MYBBP1A: variants seen among roughly 807,000 people sequenced by gnomAD.
MYBBP1A encodes MYB binding protein 1a.
In MYBBP1A, 147 loss-of-function variants were observed where a neutral mutation model predicts 136.3. That is an observed-to-expected ratio of 1.08 (90% CI 0.94 to 1.24). The LOEUF is 1.24. MYBBP1A is among the 50% of genes most tolerant of loss of function. MYBBP1A has a pLI of 0.00. For synonymous variants in MYBBP1A, 947 were observed against 735.8 expected, an observed-to-expected ratio of 1.29 and a Z score of -4.65; for missense variants, 2,060 against 1,727.4, an observed-to-expected ratio of 1.19 and a Z score of -3.41.
chr17:4,549,935 T>TCCC lies in MYBBP1A; in HGVS notation c.1319+120_1319+122dup, dbSNP rs1321409099. Reference sequence around the variant, plus strand: ...GGCCTCATATGAGAGCTAAGGCTCTTCCCCCTCGCTCCTCTCATGGTTTAG... The same window carrying TCCC: ...GGCCTCATATGAGAGCTAAGGCTCTTCCCCCCCCTCGCTCCTCTCATGGTTTAG... On this transcript the variant is annotated intron_variant, in intron 9 of 25. Coordinates refer to ENST00000254718, the MANE Select transcript of MYBBP1A (RefSeq NM_014520.4). 8 of 1,065,194 alleles carry TCCC rather than the reference T, an allele frequency of 7.5e-6. No individual in the cohort carries two copies. The East Asian group carries it at 1.9e-4, about 26-fold the overall frequency. 66.0% of individuals were successfully genotyped at this position (1,065,194 alleles called of 1,614,324 possible).
At position 4,539,431 on chromosome 17, in the gene MYBBP1A, T is replaced by C; in HGVS notation, c.3971A>G (p.Lys1324Arg). 1.2e-6 allele frequency: 2 copies of C among 1,612,396 alleles called. No homozygotes were observed. The highest frequency in any genetic ancestry group is 1.7e-6 in the Non-Finnish European group (2 of 1,178,686). Reference protein sequence around the residue: ...SGAKKKAQVRKAGKP With the variant: ...SGAKKKAQVRRAGKP ...TACCTGTGCTCAGGGCTTCCCTGCC[T>C]TCCTCACCTGTGCTTTCTTCTTGGC... Residue 1324 changes from lysine to arginine, a missense_variant, in exon 26 of 26, where the codon AAG becomes AGG. By Grantham distance (26) the Lys-to-Arg change is conservative. Coordinates refer to ENST00000254718, the MANE Select transcript of MYBBP1A (RefSeq NM_014520.4).
Position 4,539,832 on chromosome 17 carries a change from C to T in MYBBP1A, c.3570G>A (p.Thr1190=), listed in dbSNP as rs374392067. ...KRKKRKSEDG[T]PAEDGTPAAT... ...CTGCAGGTGTGCCATCCTCCGCTGG[C>T]GTGCCATCCTCTGACTTGCGTTTCT... The change falls in exon 26 of 26, where the codon ACG becomes ACA. Residue 1190 remains threonine, a synonymous_variant. Transcript: ENST00000254718. The T allele has an allele frequency of 1.2e-5, 20 of 1,610,230 alleles. No individual in the cohort carries two copies. Among genetic ancestry groups the T allele is most frequent in the African/African-American group, 1.2e-4 (9 of 74,952 alleles).
intron 23 of MYBBP1A, 86 bp downstream of exon 23, chr17:4,541,698 C>A: frequency 1.4e-6 from 2 of 1,460,954 alleles, no homozygotes; most frequent in Non-Finnish European, 1.9e-6. Flanking sequence ...TGGACTCAGG[C>A]TCCAATCCTC....
Position 4,542,451 on chromosome 17 carries a change from G to A in MYBBP1A, c.3087+13C>T. The A allele has an allele frequency of 6.2e-7, 1 of 1,600,418 alleles. No individual in the cohort carries two copies. The highest frequency in any genetic ancestry group is 8.5e-7 in the Non-Finnish European group (1 of 1,171,928). On this transcript the variant is annotated intron_variant, in intron 22 of 25. Coordinates refer to ENST00000254718, the MANE Select transcript of MYBBP1A (RefSeq NM_014520.4). ...CAGACAGGCCCTGGGCTGGGAGCTG[G>A]GAAGTCTCTCACCTGATGACGGGGC...
chr17:4,543,278 A>C (rs1226101605), intron 19 of MYBBP1A, 113 bp from the exon 20 acceptor site: 10 of 1,391,576 alleles, frequency 7.2e-6, no homozygotes, highest in Non-Finnish European at 7.6e-6. Context: ...CTAGAAGACG[A>C]CAGAGGCGAC....
chr17:4,552,701 G>A lies in MYBBP1A; in HGVS notation c.562-75C>T. The stretch of plus-strand genomic sequence containing the variant: ...GGTGGATCCTGTTCTACCTGCTCCT[G>A]ACACGGGGCCACCTGGTGAGGTATC... On this transcript the variant is annotated intron_variant, in intron 5 of 25. Coordinates refer to ENST00000254718, the MANE Select transcript of MYBBP1A (RefSeq NM_014520.4). The surrounding 1 kb of genome is among the most constrained non-coding windows in gnomAD (Gnocchi z 4.7). 7.2e-7 allele frequency: 1 copy of A among 1,392,654 alleles called. No homozygotes were observed. The highest frequency in any genetic ancestry group is 9.9e-7 in the Non-Finnish European group (1 of 1,012,872). 86.3% of individuals were successfully genotyped at this position (1,392,654 alleles called of 1,614,324 possible). A position where few individuals can be genotyped will look rare whatever the true frequency, so the allele number is the denominator to read the frequency against.
In MYBBP1A at chr17:4,542,882, T is replaced by C. The variant is rs914806464; in HGVS notation, c.2892+31A>G. 8.7e-6 allele frequency: 14 copies of C among 1,611,834 alleles called. No homozygotes were observed. In the Admixed American group the frequency reaches 1.5e-4, roughly 17 times the overall value. On this transcript the variant is annotated intron_variant, in intron 20 of 25. Transcript: ENST00000254718. ...CTCCACTCCCTGGCTGTGAAATGCC[T>C]GGGGCTGCTCCTGGGCCAGGCCCTG...
rs1382631178 is a variant in MYBBP1A at position 4,550,090 on chromosome 17, G to T, written c.1287C>A (p.Asn429Lys). The change falls in exon 9 of 26, where the codon AAC (asparagine) becomes AAA (lysine). Residue 429 changes from asparagine (N) to lysine (K), a missense_variant. Transcript: ENST00000254718. ...GCGATGAATCCTGGGCTTTCTTCTG[G>T]TTGTTGGTGCTGAAGTCAACCAAGG... ...LDSLVDFSTNNQKKAQDSSLH... is the reference protein window; with the variant it reads ...LDSLVDFSTNKQKKAQDSSLH... The T allele has an allele frequency of 3.7e-6, 6 of 1,613,554 alleles. No individual in the cohort carries two copies. In the African/African-American group the frequency reaches 8.0e-5, roughly 22 times the overall value.
intron 8 of MYBBP1A, among the ~76,000 whole-genome samples, chr17:4,551,075 G>A (rs1377020494): frequency 1.3e-5 from 2 of 152,180 alleles, no homozygotes; most frequent in Non-Finnish European, 2.9e-5. Context: ...TCAAAATTCT[G>A]GGTTCAAGGG....
At position 4,545,242 on chromosome 17, in the gene MYBBP1A, G is replaced by A; in HGVS notation, c.2160+17C>T. The A allele has an allele frequency of 6.2e-7, 1 of 1,612,046 alleles. No homozygotes were observed. Among genetic ancestry groups the A allele is most frequent in the South Asian group, 1.1e-5 (1 of 90,998 alleles). On this transcript the variant is annotated intron_variant, in intron 16 of 25. Coordinates refer to ENST00000254718, the MANE Select transcript of MYBBP1A (RefSeq NM_014520.4). The stretch of plus-strand genomic sequence containing the variant: ...TCCCACTCCCCACCGCCCCCGCCCG[G>A]CCCATGCTGGCAACACCTCTGCACC...
chr17:4,545,750 G>A lies in MYBBP1A; in HGVS notation c.1933C>T (p.Pro645Ser). 1 of 1,605,972 alleles carries A rather than the reference G, an allele frequency of 6.2e-7. No individual in the cohort carries two copies. Among genetic ancestry groups the A allele is most frequent in the Admixed American group, 1.7e-5 (1 of 59,508 alleles). ...SRTKTIDPQE[P>S]PWVEVLVEIL... is the part of the protein sequence containing the mutation. ...TCCACCAGCACCTCTACCCACGGGG[G>A]TTCCTGGGGGTCTGCAAGAGGGAGG... The change falls in exon 15 of 26, where the codon CCC becomes TCC. Residue 645 changes from proline to serine, a missense_variant. By Grantham distance (74) the Pro-to-Ser change is moderately conservative (BLOSUM62 -1). Coordinates refer to ENST00000254718, the MANE Select transcript of MYBBP1A (RefSeq NM_014520.4).
Position 4,539,395 on chromosome 17 carries a change from A to C in MYBBP1A, c.*20T>G. 6.4e-7 allele frequency: 1 copy of C among 1,568,620 alleles called. No homozygotes were observed. Among genetic ancestry groups the C allele is most frequent in the Non-Finnish European group, 8.6e-7 (1 of 1,157,834 alleles). On this transcript the variant is annotated 3_prime_UTR_variant, in exon 26 of 26. Coordinates refer to ENST00000254718, the MANE Select transcript of MYBBP1A (RefSeq NM_014520.4). ...CTCAGGCAGATGGAGGCAGGGGCTG[A>C]GGGGGGCCCGTACCTGTGCTCAGGG...
Position 4,542,294 on chromosome 17 carries a change from A to C in MYBBP1A, c.3087+170T>G, listed in dbSNP as rs546247625. On this transcript the variant is annotated intron_variant, in intron 22 of 25. Coordinates refer to ENST00000254718, the MANE Select transcript of MYBBP1A (RefSeq NM_014520.4). Reference sequence around the variant, plus strand: ...TTCACTGTGTGGCAGGGGCCAGGGCACGGCCACCCCCTTCAGAGACCATGT... The same window carrying C: ...TTCACTGTGTGGCAGGGGCCAGGGCCCGGCCACCCCCTTCAGAGACCATGT... The C allele has an allele frequency of 4.0e-4, 296 of 748,488 alleles. 4 individuals carry two copies. The South Asian group carries it at 5.2e-3, about 13-fold the overall frequency. The allele number at this position is 748,488 out of a possible 1,614,324, so 46.4% of individuals were successfully genotyped here.
Position 4,555,166 on chromosome 17 carries a change from G to A in MYBBP1A, c.159C>T (p.Ala53=), listed in dbSNP as rs1384112426. ...AKPEQETRLA[A]TEKLLEYLRG... The stretch of plus-strand genomic sequence containing the variant: ...GCAGATACTCCAGCAGCTTCTCCGT[G>A]GCCGCAAGTCGCGTCTCCTGCTCAG... Residue 53 remains alanine, a synonymous_variant, in exon 1 of 26, where the codon GCC becomes GCT. Coordinates refer to ENST00000254718, the MANE Select transcript of MYBBP1A (RefSeq NM_014520.4). 4.4e-6 allele frequency: 7 copies of A among 1,603,038 alleles called. No homozygotes were observed. The highest frequency in any genetic ancestry group is 1.7e-5 in the Admixed American group (1 of 58,792).
In MYBBP1A at chr17:4,548,356, T is replaced by C. The variant is rs1427984177; in HGVS notation, c.1557-46A>G. 4 of 1,606,062 alleles carry C rather than the reference T, an allele frequency of 2.5e-6. No individual in the cohort carries two copies. The highest frequency in any genetic ancestry group is 3.3e-5 in the Admixed American group (2 of 59,900). On this transcript the variant is annotated intron_variant, in intron 11 of 25. Transcript: ENST00000254718. This position sits in a 1 kb window ranked among gnomAD's most constrained non-coding sequence, Gnocchi z 4.2. ...GGGGTCAGCAGACCAGATGAGTCAATGTAGCCGCCTCCCTCCGCCCTCCCC... is the reference window on the plus strand; with the variant it reads ...GGGGTCAGCAGACCAGATGAGTCAACGTAGCCGCCTCCCTCCGCCCTCCCC...
rs117615621 is a variant in MYBBP1A, at chr17:4,551,971, G to A, written c.932C>T (p.Ala311Val). 3.4e-5 allele frequency: 54 copies of A among 1,610,808 alleles called. No homozygotes were observed. In the African/African-American group the frequency reaches 3.6e-4, roughly 11 times the overall value. Residue 311 changes from alanine to valine, a missense_variant, in exon 8 of 26, where the codon GCG becomes GTG. By Grantham distance (64) the Ala-to-Val change is moderately conservative (BLOSUM62 0). Transcript: ENST00000254718. Reference protein sequence around the residue: ...ASYLCFRLLGAALPLLTKEQL... With the variant: ...ASYLCFRLLGVALPLLTKEQL... ...CTCCTTGGTCAGCAGGGGCAGGGCC[G>A]CGCCCAGCAGGCGGAAACACAGGTA...
At chr17:4,543,788 AC>A (rs1305300904) in intron 19 of MYBBP1A, among the ~76,000 whole-genome samples, 1 of 151,634 alleles carries the variant, frequency 6.6e-6, no homozygotes, top group Non-Finnish European at 1.5e-5. Context: ...CACGCCTGCC[AC>A]CGCCTCCCTC....
Position 4,544,897 on chromosome 17 carries a change from C to T in MYBBP1A, c.2335G>A (p.Glu779Lys). ...ATCATGGCCTCATCCCCCAGCTCCT[C>T]CTCGTTCTCACTGTCCTCTCCACCC... ...ALGGEDSENE[E>K]ELGDEAMMAL... The change falls in exon 18 of 26, where the codon GAG becomes AAG. Residue 779 changes from glutamate to lysine, a missense_variant. By Grantham distance (56) the Glu-to-Lys change is moderately conservative. Transcript: ENST00000254718. 1 of 1,604,804 alleles carries T rather than the reference C, an allele frequency of 6.2e-7. No individual in the cohort carries two copies. Among genetic ancestry groups the T allele is most frequent in the Non-Finnish European group, 8.5e-7 (1 of 1,175,162 alleles).
At position 4,539,272 on chromosome 17, in the gene MYBBP1A, C is replaced by CG. The variant is rs1368115748; in HGVS notation, c.*142dup. On this transcript the variant is annotated 3_prime_UTR_variant, in exon 26 of 26. Coordinates refer to ENST00000254718, the MANE Select transcript of MYBBP1A (RefSeq NM_014520.4). ...GCTGTGCTTGCCAGAGCAGGATGCC[C>CG]GGGCAGGCGGCAACAGCCACCCTCC... 1.4e-5 allele frequency: 21 copies of CG among 1,490,562 alleles called. No homozygotes were observed. Among genetic ancestry groups the CG allele is most frequent in the Non-Finnish European group, 1.6e-5 (18 of 1,131,550 alleles). The allele number at this position is 1,490,562 out of a possible 1,614,324, so 92.3% of individuals were successfully genotyped here. A position where few individuals can be genotyped will look rare whatever the true frequency, so the allele number is the denominator to read the frequency against.
Sources: allele counts gnomAD v4.1 joint callset (sites outside exome capture counted in the v4.1 genomes callset), GRCh38; gene constraint gnomAD v4.1.1; non-coding constraint Gnocchi (gnomAD v3.1); transcripts MANE v1.5; gene names NCBI Gene and HGNC (gene_info 2026-07-23, HGNC 2026-07-21).